Variants in GDPD5 observed in about 807,000 individuals in gnomAD.
GDPD5 encodes the protein glycerophosphodiester phosphodiesterase domain containing 5.
A neutral mutation model predicts 75.1 loss-of-function variants in GDPD5; 48 were observed. The ratio of observed to expected loss-of-function variants is 0.64; its 90% CI spans 0.51 to 0.81. The LOEUF is 0.81. Ranked by LOEUF, GDPD5 falls within the 40% of genes least tolerant of loss-of-function variation. The pLI, the probability that GDPD5 is intolerant of heterozygous loss-of-function variation, is 0.00. For synonymous variants in GDPD5, 336 were observed against 339.0 expected (o/e 0.99, Z 0.10); for missense variants, 706 against 822.6 (o/e 0.86, Z 1.73).
intron 6 of GDPD5, among the ~76,000 whole-genome samples, chr11:75,453,616 T>TA (rs59758693): frequency 0.56 from 77,237 of 136,746 alleles, 22,411 homozygotes; most frequent in East Asian, 0.79. Flanking sequence ...AGACTGTCTC[T>TA]AAAAAAAAAA....
intron 1 of GDPD5, among the ~76,000 whole-genome samples, chr11:75,509,261 T>C (rs1592154050): frequency 6.6e-6 from 1 of 152,138 alleles, no homozygotes; most frequent in African/African-American, 2.4e-5. Flanking sequence ...GAAGGGGCGG[T>C]ATCTGGTCCC....
chr11:75,511,011 A>C (rs552951130), intron 1 of GDPD5, among the ~76,000 whole-genome samples: 1 of 152,372 alleles, frequency 6.6e-6, no homozygotes, highest in East Asian at 1.9e-4. Flanking sequence ...CCTCGGAGGA[A>C]AGAGATGCAG....
At chr11:75,516,697 C>T (rs1433935590) in intron 1 of GDPD5, among the ~76,000 whole-genome samples, 1 of 152,170 alleles carries the variant, frequency 6.6e-6, no homozygotes. Context: ...GCTTAGTTTA[C>T]GGTAGGCACT....
At chr11:75,496,014 G>T (rs1565212955) in intron 1 of GDPD5, among the ~76,000 whole-genome samples, 1 of 152,218 alleles carries the variant, frequency 6.6e-6, no homozygotes, top group Non-Finnish European at 1.5e-5. Context: ...AATTTCCTCA[G>T]GGGCAGTGAT....
chr11:75,444,479 G>A lies in GDPD5; in HGVS notation c.731C>T (p.Thr244Met), dbSNP rs754450422. Residue 244 changes from threonine (T) to methionine (M), a missense_variant, in exon 10 of 17, where the codon ACG becomes ATG. Coordinates refer to ENST00000336898, the MANE Select transcript of GDPD5 (RefSeq NM_030792.8). ...GAGGGCCTTCCGGAAGGACATGAGC[G>A]TGTGCTCTGGAGCCAGCTGGGGAAG... is the stretch of plus-strand genomic sequence containing the variant. The part of the protein sequence containing the change: ...RGAPMLAPEH[T>M]LMSFRKALEQ... 22 of 1,613,354 alleles carry A rather than the reference G, an allele frequency of 1.4e-5. No homozygotes were observed. The highest frequency in any genetic ancestry group is 4.5e-5 in the East Asian group (2 of 44,892).
rs546492586 is a variant in GDPD5 at position 75,462,551 on chromosome 11, C to T, written c.221+235G>A. Among the ~76,000 whole-genome samples, 9 of 152,278 alleles carry T rather than the reference C, an allele frequency of 5.9e-5. 1 individual carries two copies. In the South Asian group the frequency reaches 1.9e-3, roughly 32 times the overall value. On this transcript the variant is annotated intron_variant, in intron 4 of 16. Coordinates refer to ENST00000336898, the MANE Select transcript of GDPD5 (RefSeq NM_030792.8). ...TTGCCAGTCTGCGATACAATCCTCA[C>T]CCATACCTCTGGCACTTCCCACTAT...
At chr11:75,484,716 T>A (rs1053244782) in intron 2 of GDPD5, among the ~76,000 whole-genome samples, 1 of 152,042 alleles carries the variant, frequency 6.6e-6, no homozygotes, top group African/African-American at 2.4e-5. Context: ...GAGACCTCCA[T>A]CTCTAAAAAA....
At chr11:75,493,077 C>T (rs975323612) in intron 1 of GDPD5, among the ~76,000 whole-genome samples, 9 of 151,940 alleles carry the variant, frequency 5.9e-5, no homozygotes, top group Non-Finnish European at 1.0e-4. Context: ...GTGAAACGAA[C>T]GAGTAAATTA....
chr11:75,448,667 G>T, intron 9 of GDPD5: 1 of 1,100,748 alleles, frequency 9.1e-7, no homozygotes, highest in Non-Finnish European at 1.1e-6. Flanking sequence ...CAGACCCCAG[G>T]CCCCACACTC....
At chr11:75,482,588 G>A (rs1268508766) in intron 2 of GDPD5, among the ~76,000 whole-genome samples, 1 of 152,166 alleles carries the variant, frequency 6.6e-6, no homozygotes, top group Non-Finnish European at 1.5e-5. Context: ...GACTCCTCCA[G>A]ATTCCTTGCT....
At position 75,439,213 on chromosome 11, in the gene GDPD5, C is replaced by T. The variant is rs565036863; in HGVS notation, c.1556+666G>A. ...GGGGGTAAGGGAGGCTTCAGGCGAG[C>T]GCGCTGTCTGCGAGGTGGCCCGGGC... On this transcript the variant is annotated intron_variant, in intron 15 of 16. Transcript: ENST00000336898. The T allele has an allele frequency of 2.7e-4, 109 of 403,086 alleles. 1 individual carries two copies. The highest frequency in any genetic ancestry group is 1.8e-3 in the East Asian group (25 of 13,798). The allele number at this position is 403,086 out of a possible 1,614,324, so 25.0% of individuals were successfully genotyped here.
chr11:75,500,534 C>T (rs1224549637), intron 1 of GDPD5, among the ~76,000 whole-genome samples: 2 of 152,158 alleles, frequency 1.3e-5, no homozygotes, highest in Non-Finnish European at 2.9e-5. Context: ...CTGCTGCTCT[C>T]AATCCTAAGC....
At chr11:75,462,569 C>A (rs1180215773) in intron 4 of GDPD5, among the ~76,000 whole-genome samples, 3 of 152,120 alleles carry the variant, frequency 2.0e-5, no homozygotes, top group African/African-American at 7.2e-5. Context: ...TCTGGCACTT[C>A]CCACTATAGT....
Position 75,439,880 on chromosome 11 carries a change from T to C in GDPD5, c.1555A>G (p.Lys519Glu). ...CGGAAGTGGTCAGATCCTACTCACT[T>C]CTGGAGCACGAAGATGCCCACGATG... ...TLIVGIFVLQ[K>E]WRLGGIRSYN... Residue 519 changes from lysine (K) to glutamate (E), a missense_variant and splice_region_variant, in exon 15 of 17, where the codon AAG becomes GAG. By Grantham distance (56) the Lys-to-Glu change is moderately conservative. Coordinates refer to ENST00000336898, the MANE Select transcript of GDPD5 (RefSeq NM_030792.8). 1 of 1,613,268 alleles carries C rather than the reference T, an allele frequency of 6.2e-7. No homozygotes were observed. The highest frequency in any genetic ancestry group is 8.5e-7 in the Non-Finnish European group (1 of 1,179,378).
Position 75,443,118 on chromosome 11 carries a change from G to A in GDPD5, c.948+18C>T, listed in dbSNP as rs1481205627. On this transcript the variant is annotated intron_variant, in intron 11 of 16. Coordinates refer to ENST00000336898, the MANE Select transcript of GDPD5 (RefSeq NM_030792.8). Reference sequence around the variant, plus strand: ...TGGTGTTTTCCATGCCTAAGATTGGGATCAGGTGCAGCCAGACCTTCAGGA... The same window carrying A: ...TGGTGTTTTCCATGCCTAAGATTGGAATCAGGTGCAGCCAGACCTTCAGGA... The A allele has an allele frequency of 1.3e-6, 2 of 1,591,796 alleles. No homozygotes were observed. Among genetic ancestry groups the A allele is most frequent in the Non-Finnish European group, 1.7e-6 (2 of 1,168,608 alleles).
At chr11:75,523,318 G>C (rs907877749) in intron 1 of GDPD5, among the ~76,000 whole-genome samples, 3 of 152,268 alleles carry the variant, frequency 2.0e-5, no homozygotes, top group Non-Finnish European at 2.9e-5. Flanking sequence ...ACTGTGGCTC[G>C]AGGCTGCCGC....
intron 6 of GDPD5, among the ~76,000 whole-genome samples, chr11:75,452,507 T>C (rs553193229): frequency 1.3e-5 from 2 of 152,296 alleles, no homozygotes; most frequent in African/African-American, 4.8e-5. Context: ...GTGAAATGAC[T>C]GTGAAATTCT....
In GDPD5 at chr11:75,439,862, G is replaced by C; in HGVS notation, c.1556+17C>G. On this transcript the variant is annotated intron_variant, in intron 15 of 16. Transcript: ENST00000336898. The stretch of plus-strand genomic sequence containing the variant: ...GCAGGGTAGGGACAGCCACGGAAGT[G>C]GTCAGATCCTACTCACTTCTGGAGC... 6.2e-7 allele frequency: 1 copy of C among 1,605,342 alleles called. No individual in the cohort carries two copies. The highest frequency in any genetic ancestry group is 8.5e-7 in the Non-Finnish European group (1 of 1,172,288).
chr11:75,477,560 G>T, intron 3 of GDPD5, 59 bp downstream of exon 3: 1 of 1,116,738 alleles, frequency 9.0e-7, no homozygotes, highest in Non-Finnish European at 1.3e-6. Context: ...CCCTCCCCCA[G>T]CCCCTCAGGC....
Sources: gnomAD v4.1 joint callset for allele counts (sites outside exome capture counted in the v4.1 genomes callset) on GRCh38, gnomAD v4.1.1 for gene constraint, MANE v1.5 for transcripts, NCBI Gene and HGNC (gene_info 2026-07-23, HGNC 2026-07-21) for gene names.